Variants in TADA3 observed in about 807,000 individuals in gnomAD.
The protein encoded by TADA3 is transcriptional adaptor 3, also known as transcriptional adapter 3.
In TADA3, 25 loss-of-function variants were observed where a neutral mutation model predicts 43.2. The observed-to-expected ratio is 0.58, with a 90% CI of 0.42 to 0.81. The LOEUF is 0.81. Among genes scored for constraint, TADA3 ranks in the 30% least tolerant of loss-of-function variants. The probability of loss-of-function intolerance (pLI) is 0.00; values close to 1 mark genes in which losing one functional copy is unlikely to be tolerated. For synonymous variants in TADA3, 235 were observed against 225.5 expected (o/e 1.04, Z -0.38); for missense variants, 441 against 567.8 (o/e 0.78, Z 2.27).
rs189616275 is a variant in TADA3, at chr3:9,787,473, T to C, written c.565-133A>G. The C allele has an allele frequency of 6.0e-5, 79 of 1,317,508 alleles. 1 individual carries two copies. In the Admixed American group the frequency reaches 1.6e-3, roughly 27 times the overall value. The allele number at this position is 1,317,508 out of a possible 1,614,324, so 81.6% of individuals were successfully genotyped here. A position where few individuals can be genotyped will look rare whatever the true frequency, so the allele number is the denominator to read the frequency against. ...GGCCAAGCCCAGTGTCAGGTGTAGG[T>C]AAGAAAGTACAACGAAGATAAAACC... On this transcript the variant is annotated intron_variant, in intron 4 of 8. Coordinates refer to ENST00000301964, the MANE Select transcript of TADA3 (RefSeq NM_006354.5).
intron 2 of TADA3, 124 bp downstream of exon 2, chr3:9,791,136 G>A (rs922127289): frequency 3.9e-5 from 35 of 906,186 alleles, no homozygotes; most frequent in Non-Finnish European, 5.3e-5. Flanking sequence ...CCCAGTTTGC[G>A]TCTCTCTCCC....
chr3:9,792,853 G>A (rs1292961722), upstream of TADA3: 65 of 1,368,328 alleles, frequency 4.8e-5, no homozygotes, highest in Non-Finnish European at 5.8e-5. Flanking sequence ...GTGACAAGAA[G>A]GCCGAAGGCA....
chr3:9,792,554 G>C, upstream of TADA3: 1 of 1,227,826 alleles, frequency 8.1e-7, no homozygotes, highest in Non-Finnish European at 1.0e-6. Flanking sequence ...CCGGGGGTGG[G>C]AAGAAGGTGG....
intron 7 of TADA3, 64 bp downstream of exon 7, chr3:9,785,252 G>A: frequency 7.5e-7 from 1 of 1,330,236 alleles, no homozygotes; most frequent in Non-Finnish European, 1.1e-6. Flanking sequence ...TCCCCAGGTT[G>A]AGATGGAGAG....
Position 9,792,418 on chromosome 3 carries a change from G to A in TADA3, c.-230C>T. 4.8e-6 allele frequency: 5 copies of A among 1,032,386 alleles called. No individual in the cohort carries two copies. The highest frequency in any genetic ancestry group is 5.5e-5 in the East Asian group (1 of 18,046). 64.0% of individuals were successfully genotyped at this position (1,032,386 alleles called of 1,614,324 possible). On this transcript the variant is annotated 5_prime_UTR_variant, in exon 1 of 9. Transcript: ENST00000301964. ...CTCGCTGCGGCCTCCTACGGCCCCA[G>A]GGGCCGCGGGAGGGGGCGGGGAGTT...
Position 9,789,831 on chromosome 3 carries a change from G to C in TADA3, c.340C>G (p.Pro114Ala). The change falls in exon 3 of 9, where the codon CCG becomes GCG. Residue 114 changes from proline (P) to alanine (A), a missense_variant. Transcript: ENST00000301964. ...TTGGGCCGTCCTGGGCCAGGGCCCG[G>C]CCCATGTCCTGCCTTCCCTTCCAGT... ...QKLEGKAGHG[P>A]GPGPGRPKSK... 1.2e-6 allele frequency: 2 copies of C among 1,614,234 alleles called. No homozygotes were observed. Among genetic ancestry groups the C allele is most frequent in the Non-Finnish European group, 1.7e-6 (2 of 1,180,034 alleles).
upstream of TADA3, chr3:9,792,714 G>A: frequency 8.1e-7 from 1 of 1,234,602 alleles, no homozygotes; most frequent in Non-Finnish European, 1.0e-6. Context: ...GGGTAGGAGG[G>A]GCGAGAGAAA....
rs749937041 is a variant in TADA3, at chr3:9,789,539, C to T, written c.534G>A (p.Lys178=). The T allele has an allele frequency of 5.6e-6, 9 of 1,614,062 alleles. No homozygotes were observed. Among genetic ancestry groups the T allele is most frequent in the Non-Finnish European group, 7.6e-6 (9 of 1,180,022 alleles). The change falls in exon 4 of 9, where the codon AAG becomes AAA. Residue 178 remains lysine (K), a synonymous_variant. Coordinates refer to ENST00000301964, the MANE Select transcript of TADA3 (RefSeq NM_006354.5). The part of the protein sequence containing the change: ...EEVRTLEELL[K]PPEDEAEHYK... The stretch of plus-strand genomic sequence containing the variant: ...AATGCTCAGCCTCATCTTCTGGGGG[C>T]TTCAGTAACTCCTCAAGTGTGCGGA...
chr3:9,792,630 C>A, upstream of TADA3: 1 of 1,231,244 alleles, frequency 8.1e-7, no homozygotes, highest in Non-Finnish European at 1.0e-6. Flanking sequence ...CGGGGCACAG[C>A]CCGGGGCGGG....
At chr3:9,787,937 G>A (rs988686070) in intron 4 of TADA3, 4 of 360,018 alleles carry the variant, frequency 1.1e-5, no homozygotes, top group East Asian at 7.4e-5. Context: ...AGAGACCAGC[G>A]AGGAGGCTGT....
At position 9,789,934 on chromosome 3, in the gene TADA3, A is replaced by G; in HGVS notation, c.237T>C (p.Gly79=). The G allele has an allele frequency of 6.2e-7, 1 of 1,607,862 alleles. No individual in the cohort carries two copies. The highest frequency in any genetic ancestry group is 1.7e-4 in the Middle Eastern group (1 of 6,018). The change falls in exon 3 of 9, where the codon GGT becomes GGC. Residue 79 remains glycine (G), a synonymous_variant. Coordinates refer to ENST00000301964, the MANE Select transcript of TADA3 (RefSeq NM_006354.5). The part of the protein sequence containing the change: ...QILTDWQDKK[G]DRRFLKLGRD... ...GACCCAGCTTCAGGAATCGTCTGTC[A>G]CCTTTCTTATCCTGCCAGTCGGTGA... is the stretch of plus-strand genomic sequence containing the variant.
chr3:9,792,885 C>G, upstream of TADA3: 4 of 1,386,640 alleles, frequency 2.9e-6, no homozygotes, highest in Non-Finnish European at 3.7e-6. Flanking sequence ...TGCACCCATT[C>G]CTGGAGGAGC....
chr3:9,788,066 G>A (rs973200202), intron 4 of TADA3: 7 of 258,222 alleles, frequency 2.7e-5, no homozygotes, highest in South Asian at 1.3e-4. Context: ...ACTGGGATGC[G>A]TGGACTTGAT....
chr3:9,783,827 G>A, intron 8 of TADA3: 2 of 924,284 alleles, frequency 2.2e-6, no homozygotes, highest in East Asian at 2.9e-5. Flanking sequence ...AGTCACAGAT[G>A]CCTGAGCCCC....
chr3:9,789,722 G>T lies in TADA3; in HGVS notation c.449C>A (p.Ala150Asp). 1 of 1,612,978 alleles carries T rather than the reference G, an allele frequency of 6.2e-7. No individual in the cohort carries two copies. Among genetic ancestry groups the T allele is most frequent in the Non-Finnish European group, 8.5e-7 (1 of 1,179,090 alleles). The change falls in exon 3 of 9, where the codon GCC (alanine) becomes GAC (aspartate). Residue 150 changes from alanine to aspartate, a missense_variant. By Grantham distance (126) the Ala-to-Asp change is moderately radical. Transcript: ENST00000301964. The part of the protein sequence containing the change: ...IDVPRIPKND[A>D]PNRFWASVEP... ...TTCTCTAGCCCAGAACCTGTTGGGG[G>T]CATCATTTTTGGGGATCCGTGGCAC... is the stretch of plus-strand genomic sequence containing the variant.
At chr3:9,781,833 C>CT (rs35246642) in intron 8 of TADA3, among the ~76,000 whole-genome samples, 2,086 of 86,862 alleles carry the variant, frequency 0.024, 64 homozygotes, top group African/African-American at 0.046. Flanking sequence ...CCCATTACTT[C>CT]TTTTTTTTTT....
chr3:9,780,654 TG>T, intron 8 of TADA3, 105 bp from the exon 9 acceptor site: 1 of 1,226,810 alleles, frequency 8.2e-7, no homozygotes, highest in Non-Finnish European at 1.1e-6. Flanking sequence ...GGCATGCCTG[TG>T]GATTGTGTCA....
intron 8 of TADA3, chr3:9,781,608 A>G (rs1295791249): frequency 2.2e-6 from 1 of 455,974 alleles, no homozygotes; most frequent in South Asian, 1.5e-5. Context: ...GAGGTGGGTG[A>G]GACACCAGAT....
chr3:9,783,208 G>T (rs2078520762), intron 8 of TADA3: 1 of 151,938 alleles, frequency 6.6e-6, no homozygotes, highest in Non-Finnish European at 1.5e-5. Flanking sequence ...ACAAAACTTT[G>T]GGGATAAAAA....
Sources: allele counts gnomAD v4.1 joint callset (sites outside exome capture counted in the v4.1 genomes callset), GRCh38; gene constraint gnomAD v4.1.1; transcripts MANE v1.5; gene names NCBI Gene and HGNC (gene_info 2026-07-23, HGNC 2026-07-21).